The following CSMD3 variants were observed in gnomAD, a reference collection of about 807,000 sequenced individuals.
CSMD3 encodes the protein CUB and Sushi multiple domains 3.
CSMD3 carries 177 observed loss-of-function variants against 435.2 expected under a neutral mutation model. The observed-to-expected ratio is 0.41, with a 90% CI of 0.36 to 0.46. CSMD3 has a LOEUF of 0.46. CSMD3 is among the 20% of genes least tolerant of loss of function. The pLI is 0.34. For missense variants in CSMD3, 4,265 were observed against 4,504.6 expected (o/e 0.95, Z 1.52); for synonymous variants, 1,656 against 1,520.5 (o/e 1.09, Z -2.07).
chr8:113,375,536 C>CACACACAT (rs372006142), intron 1 of CSMD3, among the ~76,000 whole-genome samples: 40,991 of 150,348 alleles, frequency 0.27, 6,336 homozygotes, highest in East Asian at 0.62. Flanking sequence ...CACACACACA[C>CACACACAT]ACACACACAC....
In CSMD3 at chr8:112,492,541, G is replaced by A. The variant is rs2130852773; in HGVS notation, c.5226C>T (p.Ile1742=). 3.1e-6 allele frequency: 5 copies of A among 1,613,848 alleles called. No homozygotes were observed. The African/African-American group carries it at 6.7e-5, about 22-fold the overall frequency. The change falls in exon 31 of 71, where the codon ATC becomes ATT. Residue 1742 remains isoleucine (I), a synonymous_variant. Coordinates refer to ENST00000297405, the MANE Select transcript of CSMD3 (RefSeq NM_198123.2). ...VLQGYSTLTC[I]MGDDGRPGWN... ...ATCCAGGTCTTCCATCATCTCCCAT[G>A]ATACAGGTGAGTGTTGAATAACCTT... is the stretch of plus-strand genomic sequence containing the variant.
chr8:113,269,565 C>T (rs1302972387), intron 3 of CSMD3, among the ~76,000 whole-genome samples: 1 of 152,096 alleles, frequency 6.6e-6, no homozygotes, highest in African/African-American at 2.4e-5. Context: ...AACTATACTA[C>T]AAGGCTACAG....
chr8:112,942,483 C>T (rs187429962), intron 9 of CSMD3, among the ~76,000 whole-genome samples: 1 of 151,696 alleles, frequency 6.6e-6, no homozygotes, highest in Admixed American at 6.6e-5. Flanking sequence ...TAGTGATAGA[C>T]TGGATAAAGA....
At chr8:113,270,211 G>A (rs1391391995) in intron 3 of CSMD3, among the ~76,000 whole-genome samples, 1 of 151,794 alleles carries the variant, frequency 6.6e-6, no homozygotes, top group African/African-American at 2.4e-5. Flanking sequence ...ATGAAAAAAT[G>A]CTCATCATCA....
chr8:112,776,299 A>T (rs2078244867), intron 13 of CSMD3, among the ~76,000 whole-genome samples: 1 of 151,788 alleles, frequency 6.6e-6, no homozygotes, highest in Non-Finnish European at 1.5e-5. Flanking sequence ...ATTTTACCCC[A>T]TTATTGAATC....
At chr8:112,948,048 G>A (rs2083677490) in intron 8 of CSMD3, among the ~76,000 whole-genome samples, 171 bp from the exon 9 acceptor site, 1 of 151,804 alleles carries the variant, frequency 6.6e-6, no homozygotes, top group Non-Finnish European at 1.5e-5. Flanking sequence ...GAAAGCAAAA[G>A]CATTTTATGA....
chr8:113,240,091 G>C (rs1332624195), intron 3 of CSMD3, among the ~76,000 whole-genome samples: 5 of 152,034 alleles, frequency 3.3e-5, no homozygotes, highest in African/African-American at 1.2e-4. Context: ...ACTTATAAGT[G>C]AGAACATGCA....
chr8:112,983,386 G>T (rs1201431732), intron 6 of CSMD3, among the ~76,000 whole-genome samples: 1 of 150,976 alleles, frequency 6.6e-6, no homozygotes, highest in Non-Finnish European at 1.5e-5. Context: ...ATATACATAA[G>T]CCTGCTTTTA....
chr8:112,961,019 G>A (rs1269654718), intron 7 of CSMD3, among the ~76,000 whole-genome samples: 2 of 151,624 alleles, frequency 1.3e-5, no homozygotes, highest in African/African-American at 4.8e-5. Flanking sequence ...TGTATGTGAT[G>A]CTCAATTTTT....
chr8:112,234,396 A>G lies in CSMD3; in HGVS notation c.10709T>C (p.Met3570Thr). 6.2e-7 allele frequency: 1 copy of G among 1,612,952 alleles called. No individual in the cohort carries two copies. The highest frequency in any genetic ancestry group is 8.5e-7 in the Non-Finnish European group (1 of 1,179,324). ...ATCCATTGCCCAATTTTCTTCCTTC[A>G]TTTTCTTCACAGAAGCATGAGCAGG... is the stretch of plus-strand genomic sequence containing the variant. Reference protein sequence around the residue: ...KVPAHASVKKMKEENWAMDGF... With the variant: ...KVPAHASVKKTKEENWAMDGF... The change falls in exon 68 of 71, where the codon ATG becomes ACG. Residue 3570 changes from methionine (M) to threonine (T), a missense_variant. By Grantham distance (81) the Met-to-Thr change is moderately conservative. Transcript: ENST00000297405.
intron 51 of CSMD3, among the ~76,000 whole-genome samples, chr8:112,305,646 A>T (rs1821349150): frequency 6.6e-6 from 1 of 152,180 alleles, no homozygotes; most frequent in African/African-American, 2.4e-5. Context: ...TTATAAAATC[A>T]GAGTGAAATA....
intron 22 of CSMD3, among the ~76,000 whole-genome samples, chr8:112,627,018 C>A (rs1834529680): frequency 6.6e-6 from 1 of 152,012 alleles, no homozygotes; most frequent in Admixed American, 6.6e-5. Flanking sequence ...AAACACACAG[C>A]AAATATTAGC....
At position 112,352,420 on chromosome 8, in the gene CSMD3, A is replaced by G; in HGVS notation, c.6251T>C (p.Leu2084Pro). 6.2e-7 allele frequency: 1 copy of G among 1,613,468 alleles called. No homozygotes were observed. Among genetic ancestry groups the G allele is most frequent in the Non-Finnish European group, 8.5e-7 (1 of 1,179,662 alleles). ...ACAACTTTAAAATAGACTTACCTGAAGAGAATATCCTTGATCACACTGAAA... is the reference window on the plus strand; with the variant it reads ...ACAACTTTAAAATAGACTTACCTGAGGAGAATATCCTTGATCACACTGAAA... ...VSFQCDQGYS[L>P]QGHSHITCMP... The change falls in exon 39 of 71, where the codon CTT becomes CCT. Residue 2084 changes from leucine (L) to proline (P), a missense_variant. Physicochemically the swap from Leu to Pro is moderately conservative, Grantham distance 98 (BLOSUM62 -3). Coordinates refer to ENST00000297405, the MANE Select transcript of CSMD3 (RefSeq NM_198123.2).
At chr8:112,870,497 C>T (rs945721600) in intron 10 of CSMD3, among the ~76,000 whole-genome samples, 3 of 151,432 alleles carry the variant, frequency 2.0e-5, no homozygotes, top group Non-Finnish European at 4.4e-5. Flanking sequence ...AGGATGGTCT[C>T]GATCTTCTGA....
intron 32 of CSMD3, among the ~76,000 whole-genome samples, chr8:112,420,748 G>C (rs1812405649): frequency 6.6e-6 from 1 of 152,132 alleles, no homozygotes; most frequent in Non-Finnish European, 1.5e-5. Context: ...CAATTTGTAG[G>C]TTACCTCTAG....
intron 1 of CSMD3, among the ~76,000 whole-genome samples, chr8:113,387,397 A>C (rs1000070967): frequency 6.6e-6 from 1 of 151,804 alleles, no homozygotes; most frequent in Non-Finnish European, 1.5e-5. Context: ...GCCTTTAATA[A>C]TCAGCATATA....
chr8:112,356,077 T>C (rs2131084934), intron 38 of CSMD3, among the ~76,000 whole-genome samples: 1 of 152,174 alleles, frequency 6.6e-6, no homozygotes, highest in East Asian at 1.9e-4. Context: ...GCTTTTACAC[T>C]GTTGGTGGGA....
chr8:112,289,868 G>A (rs548908381), intron 56 of CSMD3, among the ~76,000 whole-genome samples: 5 of 152,006 alleles, frequency 3.3e-5, no homozygotes, highest in Admixed American at 6.6e-5. Flanking sequence ...GTATGAGTTC[G>A]AACTGTATCT....
chr8:113,133,683 G>A (rs1025687250), intron 4 of CSMD3, among the ~76,000 whole-genome samples: 2 of 152,056 alleles, frequency 1.3e-5, no homozygotes, highest in East Asian at 1.9e-4. Context: ...TGACTCAAGT[G>A]TCCATGGATG....
Sources: gnomAD v4.1 joint callset for allele counts (sites outside exome capture counted in the v4.1 genomes callset) on GRCh38, gnomAD v4.1.1 for gene constraint, MANE v1.5 for transcripts, NCBI Gene and HGNC (gene_info 2026-07-23, HGNC 2026-07-21) for gene names.